The following LRP1B variants were observed in gnomAD, a reference collection of about 807,000 sequenced individuals.
The protein encoded by LRP1B is low-density lipoprotein receptor-related protein 1B.
In LRP1B, 217 loss-of-function variants were observed where a neutral mutation model predicts 556.6. The ratio of observed to expected loss-of-function variants is 0.39; its 90% CI spans 0.35 to 0.44. LRP1B has a LOEUF of 0.44. Among genes scored for constraint, LRP1B ranks in the 20% least tolerant of loss-of-function variants. LRP1B has a pLI of 1.00. For synonymous variants in LRP1B, 2,047 were observed against 1,865.8 expected (o/e 1.10, Z -2.50); for missense variants, 5,053 against 5,620.8 (o/e 0.90, Z 3.23).
intron 86 of LRP1B, among the ~76,000 whole-genome samples, chr2:140,264,558 G>A (rs546908178): frequency 1.3e-5 from 2 of 152,110 alleles, no homozygotes; most frequent in East Asian, 3.9e-4. Context: ...CCAGCCATTT[G>A]AAACTCAATC....
rs372824427 is a variant in LRP1B at position 140,573,873 on chromosome 2, C to A, written c.7194+24758G>T. Among the ~76,000 whole-genome samples, 11 of 151,992 alleles carry A rather than the reference C, an allele frequency of 7.2e-5. No homozygotes were observed. In the East Asian group the frequency reaches 9.6e-4, roughly 13 times the overall value. ...GGCCCGGCAATTCTCACACTTTGAACTATTTCACTCAAGGACAGATTAGAG... is the reference window on the plus strand; with the variant it reads ...GGCCCGGCAATTCTCACACTTTGAAATATTTCACTCAAGGACAGATTAGAG... On this transcript the variant is annotated intron_variant, in intron 43 of 90. Transcript: ENST00000389484.
chr2:141,628,902 A>G (rs1433219185), intron 2 of LRP1B, among the ~76,000 whole-genome samples: 1 of 152,152 alleles, frequency 6.6e-6, no homozygotes, highest in Non-Finnish European at 1.5e-5. Flanking sequence ...CTCCTGCCTC[A>G]GCCTTCCAAA....
chr2:142,103,447 T>A (rs1354492109), intron 1 of LRP1B, among the ~76,000 whole-genome samples: 3 of 151,954 alleles, frequency 2.0e-5, no homozygotes, highest in African/African-American at 7.2e-5. Context: ...TAATGGGCAT[T>A]CTTATAATCA....
intron 1 of LRP1B, among the ~76,000 whole-genome samples, chr2:142,059,384 G>A (rs1464273079): frequency 1.3e-5 from 2 of 152,030 alleles, no homozygotes; most frequent in Non-Finnish European, 2.9e-5. Flanking sequence ...AATATTGTTT[G>A]TTCCTTATAT....
intron 7 of LRP1B, among the ~76,000 whole-genome samples, chr2:141,118,799 A>T (rs2178737): frequency 0.3 from 45,751 of 151,604 alleles, 7,158 homozygotes; most frequent in East Asian, 0.52. Context: ...AATTCCTATA[A>T]AGGAATTTAT....
At chr2:141,241,845 C>T (rs535105169) in intron 5 of LRP1B, among the ~76,000 whole-genome samples, 1 of 151,826 alleles carries the variant, frequency 6.6e-6, no homozygotes, top group Admixed American at 6.6e-5. Flanking sequence ...ATAGGTCTCA[C>T]GCACTATCAT....
chr2:140,350,367 C>T (rs905260262), intron 77 of LRP1B, among the ~76,000 whole-genome samples: 9 of 152,018 alleles, frequency 5.9e-5, no homozygotes, highest in South Asian at 2.1e-4. Flanking sequence ...GAGTTGATGT[C>T]CTGCCCTACA....
At chr2:141,103,256 C>T (rs1700511089) in intron 7 of LRP1B, among the ~76,000 whole-genome samples, 1 of 151,952 alleles carries the variant, frequency 6.6e-6, no homozygotes, top group South Asian at 2.1e-4. Context: ...ATCCAGAGTG[C>T]AGTAGCATTC....
chr2:141,511,144 T>G (rs1684117195), intron 2 of LRP1B, among the ~76,000 whole-genome samples: 1 of 152,138 alleles, frequency 6.6e-6, no homozygotes, highest in Non-Finnish European at 1.5e-5. Context: ...GGGATTGGAC[T>G]GGCAAGAGTA....
chr2:140,899,917 A>G (rs1694055123), intron 23 of LRP1B, among the ~76,000 whole-genome samples: 1 of 152,076 alleles, frequency 6.6e-6, no homozygotes, highest in African/African-American at 2.4e-5. Context: ...TCCTTTTTGT[A>G]TTTATAACTC....
intron 2 of LRP1B, among the ~76,000 whole-genome samples, chr2:141,522,687 G>A (rs1483554336): frequency 6.6e-6 from 1 of 152,098 alleles, no homozygotes; most frequent in African/African-American, 2.4e-5. Flanking sequence ...CATAAAATAT[G>A]TCACCATGAG....
chr2:141,456,178 G>T (rs62168035), intron 3 of LRP1B, among the ~76,000 whole-genome samples: 1 of 152,206 alleles, frequency 6.6e-6, no homozygotes, highest in Non-Finnish European at 1.5e-5. Flanking sequence ...GCCTGGAGGT[G>T]AATGGCTTTC....
intron 11 of LRP1B, among the ~76,000 whole-genome samples, chr2:141,025,281 A>C (rs1698186115): frequency 6.6e-6 from 1 of 152,096 alleles, no homozygotes; most frequent in Admixed American, 6.6e-5. Context: ...AGTGGATATG[A>C]ACACAAATAA....
chr2:140,990,204 AT>A (rs1697051867), intron 16 of LRP1B, among the ~76,000 whole-genome samples: 1 of 151,720 alleles, frequency 6.6e-6, no homozygotes, highest in Non-Finnish European at 1.5e-5. Context: ...CTCAAAAAAA[AT>A]AAATAAATAA....
intron 51 of LRP1B, among the ~76,000 whole-genome samples, chr2:140,513,687 A>C (rs34751400): frequency 6.6e-6 from 1 of 151,684 alleles, no homozygotes; most frequent in Non-Finnish European, 1.5e-5. Flanking sequence ...TTGAATACTA[A>C]AAAATACCGC....
chr2:141,850,159 C>G (rs554615684), intron 1 of LRP1B, among the ~76,000 whole-genome samples: 6 of 151,674 alleles, frequency 4.0e-5, no homozygotes, highest in South Asian at 4.1e-4. Flanking sequence ...ATTATTAAAC[C>G]CTTTGCTGTC....
At chr2:141,698,630 A>C (rs1691822565) in intron 2 of LRP1B, among the ~76,000 whole-genome samples, 1 of 151,884 alleles carries the variant, frequency 6.6e-6, no homozygotes, top group Non-Finnish European at 1.5e-5. Context: ...ATAGTCTATT[A>C]AACCCCTTCT....
At chr2:141,169,335 TA>T (rs1553469920) in intron 7 of LRP1B, among the ~76,000 whole-genome samples, 2 of 128,424 alleles carry the variant, frequency 1.6e-5, no homozygotes, top group Non-Finnish European at 3.2e-5. Flanking sequence ...AATAAATAAA[TA>T]AAGAAGAGAT....
At chr2:141,034,932 C>T (rs1177422732) in intron 11 of LRP1B, among the ~76,000 whole-genome samples, 38 of 151,986 alleles carry the variant, frequency 2.5e-4, no homozygotes, top group African/African-American at 7.5e-4. Context: ...GCACTATTCA[C>T]AATAGCAAAG....
Sources: gnomAD v4.1 joint callset for allele counts (sites outside exome capture counted in the v4.1 genomes callset) on GRCh38, gnomAD v4.1.1 for gene constraint, MANE v1.5 for transcripts, NCBI Gene and HGNC (gene_info 2026-07-23, HGNC 2026-07-21) for gene names.